TNRC6B: variants seen among roughly 807,000 people sequenced by gnomAD.
TNRC6B encodes trinucleotide repeat containing adaptor 6B.
In TNRC6B, 52 loss-of-function variants were observed where a neutral mutation model predicts 203.6. The observed-to-expected ratio is 0.26, with a 90% CI of 0.20 to 0.32. The LOEUF is 0.32. Ranked by LOEUF, TNRC6B falls within the 10% of genes least tolerant of loss-of-function variation. TNRC6B has a pLI of 1.00. For synonymous variants in TNRC6B, 838 were observed against 845.7 expected (o/e 0.99, Z 0.16); for missense variants, 1,923 against 2,286.2 (o/e 0.84, Z 3.24).
chr22:40,078,802 G>C (rs1318425501), intron 1 of TNRC6B, among the ~76,000 whole-genome samples: 1 of 151,746 alleles, frequency 6.6e-6, no homozygotes, highest in Non-Finnish European at 1.5e-5. Flanking sequence ...TGCCAGGTGC[G>C]GTGGCTCGTG....
chr22:40,183,407 G>A (rs969803231), intron 1 of TNRC6B, among the ~76,000 whole-genome samples: 3 of 152,110 alleles, frequency 2.0e-5, no homozygotes, highest in Admixed American at 2.0e-4. Flanking sequence ...GGAGCAGCAC[G>A]GAGCCTTTTC....
intron 12 of TNRC6B, among the ~76,000 whole-genome samples, chr22:40,291,470 A>C (rs1217487054): frequency 6.6e-6 from 1 of 152,188 alleles, no homozygotes. Flanking sequence ...ACCCAAATAC[A>C]ATGACAGGAA....
intron 3 of TNRC6B, among the ~76,000 whole-genome samples, chr22:40,132,339 C>T (rs1373552188): frequency 6.6e-6 from 1 of 151,362 alleles, no homozygotes; most frequent in African/African-American, 2.4e-5. Context: ...GCACTCCAGC[C>T]TGGGTGACAG....
At chr22:40,210,236 C>G (rs2069543298) in intron 1 of TNRC6B, among the ~76,000 whole-genome samples, 2 of 152,156 alleles carry the variant, frequency 1.3e-5, no homozygotes, top group African/African-American at 2.4e-5. Flanking sequence ...ATCTGTGGTA[C>G]AAGTTCACTA....
intron 3 of TNRC6B, among the ~76,000 whole-genome samples, chr22:40,133,982 A>C (rs898156216): frequency 6.7e-6 from 1 of 149,456 alleles, no homozygotes; most frequent in African/African-American, 2.4e-5. Context: ...AAAAAAAAAA[A>C]AAAAAAAAAA....
intron 1 of TNRC6B, 79 bp from the exon 2 acceptor site, chr22:40,245,936 C>A: frequency 8.7e-7 from 1 of 1,152,444 alleles, no homozygotes; most frequent in Non-Finnish European, 1.2e-6. Flanking sequence ...TTGCCCACCA[C>A]TTACAAGCAT....
intron 1 of TNRC6B, among the ~76,000 whole-genome samples, chr22:40,068,161 C>T (rs1214621895): frequency 1.3e-5 from 2 of 152,074 alleles, no homozygotes; most frequent in Non-Finnish European, 2.9e-5. Context: ...AAAAAGTATT[C>T]TTATGGTTTG....
chr22:40,301,537 A>G lies in TNRC6B; in HGVS notation c.4120+204A>G, dbSNP rs1463495109. 5.1e-6 allele frequency: 3 copies of G among 583,590 alleles called. No homozygotes were observed. The Admixed American group carries it at 9.8e-5, about 19-fold the overall frequency. The allele number at this position is 583,590 out of a possible 1,614,324, so 36.2% of individuals were successfully genotyped here. ...GCTCACCACATGGTTACTAAATAGC[A>G]GAGCCAGGCCTCTAACTTCTCTGGC... On this transcript the variant is annotated intron_variant, in intron 15 of 22. Transcript: ENST00000454349.
At chr22:40,088,933 C>T (rs1038294360) in intron 1 of TNRC6B, among the ~76,000 whole-genome samples, 5 of 151,978 alleles carry the variant, frequency 3.3e-5, no homozygotes, top group East Asian at 1.9e-4. Context: ...CTCACTAATT[C>T]GAACTTTACA....
At chr22:40,046,679 G>C (rs1357759274) in intron 1 of TNRC6B, among the ~76,000 whole-genome samples, 1 of 120,796 alleles carries the variant, frequency 8.3e-6, no homozygotes, top group Non-Finnish European at 1.6e-5. Flanking sequence ...GAGTCTCAAA[G>C]ATTGTGCCAG....
chr22:40,296,098 G>A (rs1978792328), intron 12 of TNRC6B, among the ~76,000 whole-genome samples: 1 of 152,134 alleles, frequency 6.6e-6, no homozygotes, highest in Non-Finnish European at 1.5e-5. Flanking sequence ...TACCAACAAA[G>A]CAGATAATGG....
chr22:40,320,963 A>C (rs1386649835), intron 21 of TNRC6B, 127 bp from the exon 22 acceptor site: 1 of 1,029,334 alleles, frequency 9.7e-7, no homozygotes, highest in African/African-American at 1.6e-5. Flanking sequence ...TTTTGTTTTG[A>C]GCTGCATTTA....
chr22:40,189,086 A>G (rs2069240222), intron 1 of TNRC6B, among the ~76,000 whole-genome samples: 1 of 152,120 alleles, frequency 6.6e-6, no homozygotes, highest in Non-Finnish European at 1.5e-5. Flanking sequence ...TTTGTTAGTG[A>G]CTTTAAAAAA....
At chr22:40,064,695 C>A (rs2067880993) in intron 1 of TNRC6B, among the ~76,000 whole-genome samples, 1 of 151,456 alleles carries the variant, frequency 6.6e-6, no homozygotes, top group Non-Finnish European at 1.5e-5. Context: ...CGGCTCACTG[C>A]AACCTCTGGC....
intron 1 of TNRC6B, among the ~76,000 whole-genome samples, chr22:40,234,286 C>G (rs1411909455): frequency 6.6e-6 from 1 of 152,034 alleles, no homozygotes; most frequent in Non-Finnish European, 1.5e-5. Flanking sequence ...TGTCTCAAAA[C>G]AAACAAACAA....
At chr22:40,137,997 A>T (rs1379144631) in intron 3 of TNRC6B, among the ~76,000 whole-genome samples, 5 of 151,810 alleles carry the variant, frequency 3.3e-5, no homozygotes, top group Non-Finnish European at 7.4e-5. Context: ...AAAAAAAAAA[A>T]AAGAATGACC....
chr22:40,069,633 A>G (rs2067929863), intron 1 of TNRC6B, among the ~76,000 whole-genome samples: 1 of 151,812 alleles, frequency 6.6e-6, no homozygotes, highest in African/African-American at 2.4e-5. Context: ...GATTACAGGC[A>G]TGTGCCACCA....
At chr22:40,093,943 C>T (rs1188198421) in intron 1 of TNRC6B, among the ~76,000 whole-genome samples, 1 of 151,324 alleles carries the variant, frequency 6.6e-6, no homozygotes, top group Non-Finnish European at 1.5e-5. Context: ...TTCAAAATAA[C>T]TGGAAGAGTA....
chr22:40,301,572 G>A (rs1265255437), intron 15 of TNRC6B: 2 of 534,492 alleles, frequency 3.7e-6, no homozygotes, highest in East Asian at 6.2e-5. Flanking sequence ...CTCCAAAGCA[G>A]TCTTCCTTTT....
Sources: gnomAD v4.1 joint callset for allele counts (sites outside exome capture counted in the v4.1 genomes callset) on GRCh38, gnomAD v4.1.1 for gene constraint, MANE v1.5 for transcripts, NCBI Gene and HGNC (gene_info 2026-07-23, HGNC 2026-07-21) for gene names.